LRRTM4: variants seen among roughly 807,000 people sequenced by gnomAD.
The protein encoded by LRRTM4 is leucine-rich repeat transmembrane neuronal protein 4.
Under a neutral mutation model 47.6 loss-of-function variants are expected in LRRTM4, and 25 were observed. The observed-to-expected ratio is 0.53, with a 90% confidence interval of 0.38 to 0.73. The LOEUF is 0.73. LRRTM4 is among the 30% of genes least tolerant of loss of function. The probability of loss-of-function intolerance (pLI) is 0.00; values close to 1 mark genes in which losing one functional copy is unlikely to be tolerated. For synonymous variants in LRRTM4, 311 were observed against 269.5 expected (o/e 1.15, Z -1.51); for missense variants, 638 against 713.4 (o/e 0.89, Z 1.20).
intron 3 of LRRTM4, among the ~76,000 whole-genome samples, chr2:77,052,472 A>T (rs981447580): frequency 2.3e-4 from 35 of 151,884 alleles, no homozygotes; most frequent in Admixed American, 2.2e-3. Flanking sequence ...CCCAGCCGAC[A>T]TCTCCCTTTT....
chr2:77,194,716 AC>A (rs775068925), intron 3 of LRRTM4, among the ~76,000 whole-genome samples: 2 of 152,004 alleles, frequency 1.3e-5, no homozygotes, highest in Non-Finnish European at 2.9e-5. Flanking sequence ...GCAGACTCTG[AC>A]CCCTAACCTA....
At chr2:77,417,245 G>C (rs1674672078) in intron 3 of LRRTM4, among the ~76,000 whole-genome samples, 1 of 152,128 alleles carries the variant, frequency 6.6e-6, no homozygotes, top group Non-Finnish European at 1.5e-5. Context: ...GGAAACAACA[G>C]GTGCTGGAGA....
intron 3 of LRRTM4, among the ~76,000 whole-genome samples, chr2:77,413,263 A>T (rs1674510233): frequency 6.6e-6 from 1 of 152,134 alleles, no homozygotes; most frequent in South Asian, 2.1e-4. Flanking sequence ...AAAGAACATG[A>T]GTAGGTCTGG....
intron 3 of LRRTM4, among the ~76,000 whole-genome samples, chr2:77,369,320 G>T (rs1167069147): frequency 6.6e-6 from 1 of 150,832 alleles, no homozygotes; most frequent in Non-Finnish European, 1.5e-5. Context: ...TTTTGCTTTT[G>T]TAGCCCATGG....
intron 3 of LRRTM4, among the ~76,000 whole-genome samples, chr2:76,884,840 A>G (rs1558713026): frequency 6.6e-6 from 1 of 152,174 alleles, no homozygotes. Context: ...TTCATCAGTG[A>G]AAAAATGTAA....
Position 77,100,459 on chromosome 2 carries a change from G to T in LRRTM4, c.1552-351543C>A, listed in dbSNP as rs559982965. On this transcript the variant is annotated intron_variant, in intron 3 of 3. Coordinates refer to ENST00000409884, the MANE Select transcript of LRRTM4 (RefSeq NM_001134745.3). ...CTTTAGCTCTAATACTAGCTTACAG[G>T]AAACACCAATGATAGAAGGTTGGGT... 3.3e-5 allele frequency among the ~76,000 whole-genome samples: 5 copies of T among 152,222 alleles called. 1 individual carries two copies. The South Asian group carries it at 1.0e-3, about 32-fold the overall frequency.
At chr2:77,371,476 C>G (rs1260605696) in intron 3 of LRRTM4, among the ~76,000 whole-genome samples, 1 of 151,754 alleles carries the variant, frequency 6.6e-6, no homozygotes, top group Non-Finnish European at 1.5e-5. Context: ...CTTCTTTAAG[C>G]AGATAGCATG....
chr2:77,375,260 A>T (rs1358537729), intron 3 of LRRTM4, among the ~76,000 whole-genome samples: 1 of 151,662 alleles, frequency 6.6e-6, no homozygotes, highest in African/African-American at 2.4e-5. Context: ...TTTTTCTATT[A>T]TCAGGTTTTT....
intron 3 of LRRTM4, among the ~76,000 whole-genome samples, chr2:77,178,817 G>A (rs546452439): frequency 7.9e-5 from 12 of 152,064 alleles, no homozygotes; most frequent in Non-Finnish European, 1.5e-4. Context: ...TCAAATTCTA[G>A]AGAAAAATAT....
At chr2:76,947,564 C>T (rs924819728) in intron 3 of LRRTM4, among the ~76,000 whole-genome samples, 1 of 151,636 alleles carries the variant, frequency 6.6e-6, no homozygotes, top group African/African-American at 2.4e-5. Context: ...TTATCTAACC[C>T]TTTTTTGTAG....
chr2:77,202,069 T>C (rs747339083), intron 3 of LRRTM4, among the ~76,000 whole-genome samples: 1 of 152,136 alleles, frequency 6.6e-6, no homozygotes, highest in African/African-American at 2.4e-5. Context: ...TGAATTGGCT[T>C]GGCAATTTTT....
intron 3 of LRRTM4, among the ~76,000 whole-genome samples, chr2:76,845,838 C>A (rs1054576527): frequency 5.9e-5 from 9 of 151,934 alleles, no homozygotes; most frequent in Non-Finnish European, 1.3e-4. Flanking sequence ...GTTCAATGCC[C>A]TAGGGAGAGG....
At chr2:76,954,968 C>T (rs1675624301) in intron 3 of LRRTM4, among the ~76,000 whole-genome samples, 1 of 151,576 alleles carries the variant, frequency 6.6e-6, no homozygotes, top group Non-Finnish European at 1.5e-5. Flanking sequence ...ACATAAATAC[C>T]ATAACCAACA....
rs1018042466 is a variant in LRRTM4, at chr2:77,049,478, C to T, written c.1552-300562G>A. Among the ~76,000 whole-genome samples, 18 of 151,562 alleles carry T rather than the reference C, an allele frequency of 1.2e-4. No individual in the cohort carries two copies. In the East Asian group the frequency reaches 3.5e-3, roughly 30 times the overall value. On this transcript the variant is annotated intron_variant, in intron 3 of 3. Transcript: ENST00000409884. ...TTGTTATTTTTTGTCTTTTTAATAG[C>T]AGCCATTCTAGCTAGAGTGAGATGG...
chr2:76,793,608 GTTAA>G (rs1675097996), intron 3 of LRRTM4, among the ~76,000 whole-genome samples: 2 of 30,232 alleles, frequency 6.6e-5, no homozygotes, highest in African/African-American at 2.0e-4. Context: ...CTCTCGGTAA[GTTAA>G]GTTTTGAGGG....
chr2:76,812,183 T>G (rs776090136), intron 3 of LRRTM4, among the ~76,000 whole-genome samples: 6 of 152,150 alleles, frequency 3.9e-5, no homozygotes, highest in Non-Finnish European at 8.8e-5. Context: ...GAAGGAGGAA[T>G]GAAACAATGC....
Position 77,311,162 on chromosome 2 carries a change from C to A in LRRTM4, c.1551+207156G>T, listed in dbSNP as rs114247688. 7.8e-3 allele frequency among the ~76,000 whole-genome samples: 1,179 copies of A among 152,114 alleles called. 12 individuals carry two copies. The highest frequency in any genetic ancestry group is 0.027 in the African/African-American group (1,128 of 41,490). Reference sequence around the variant, plus strand: ...CACATAATTCATGTGTTTTTAATTTCTTCAAGAACTTAGGTCTTGAAGTGC... The same window carrying A: ...CACATAATTCATGTGTTTTTAATTTATTCAAGAACTTAGGTCTTGAAGTGC... On this transcript the variant is annotated intron_variant, in intron 3 of 3. Coordinates refer to ENST00000409884, the MANE Select transcript of LRRTM4 (RefSeq NM_001134745.3).
In LRRTM4 at chr2:77,241,776, T is replaced by A. The variant is rs368437043; in HGVS notation, c.1551+276542A>T. Among the ~76,000 whole-genome samples the A allele has an allele frequency of 3.3e-5, 5 of 152,280 alleles. No individual in the cohort carries two copies. In the East Asian group the frequency reaches 9.7e-4, roughly 29 times the overall value. On this transcript the variant is annotated intron_variant, in intron 3 of 3. Coordinates refer to ENST00000409884, the MANE Select transcript of LRRTM4 (RefSeq NM_001134745.3). ...CATAAATCTTTTCTCCTATATTTTCTTCTAAGACTTGTATAGTTTTAGCAC... is the reference window on the plus strand; with the variant it reads ...CATAAATCTTTTCTCCTATATTTTCATCTAAGACTTGTATAGTTTTAGCAC...
intron 3 of LRRTM4, among the ~76,000 whole-genome samples, chr2:77,281,844 A>C (rs1308177243): frequency 1.3e-5 from 2 of 151,906 alleles, no homozygotes; most frequent in Non-Finnish European, 2.9e-5. Context: ...TTGACCATGT[A>C]GACTATGTTA....
Sources: gnomAD v4.1 joint callset for allele counts (sites outside exome capture counted in the v4.1 genomes callset) on GRCh38, gnomAD v4.1.1 for gene constraint, MANE v1.5 for transcripts, NCBI Gene and HGNC (gene_info 2026-07-23, HGNC 2026-07-21) for gene names.